Variants in RNGTT observed in about 807,000 individuals in gnomAD.
RNGTT encodes mRNA-capping enzyme.
Under a neutral mutation model 79.3 loss-of-function variants are expected in RNGTT, and 33 were observed. The ratio of observed to expected loss-of-function variants is 0.42; its 90% CI spans 0.32 to 0.56. The LOEUF (loss-of-function observed/expected upper bound fraction) is 0.56, where lower values mean the gene tolerates loss of function less well. Ranked by LOEUF, RNGTT falls within the 20% of genes least tolerant of loss-of-function variation. RNGTT has a pLI of 0.17. For missense variants in RNGTT, 497 were observed against 739.1 expected, an observed-to-expected ratio of 0.67 and a Z score of 3.80; for synonymous variants, 222 against 235.9, an observed-to-expected ratio of 0.94 and a Z score of 0.54.
At chr6:88,680,330 T>C (rs1775044253) in intron 13 of RNGTT, among the ~76,000 whole-genome samples, 1 of 152,186 alleles carries the variant, frequency 6.6e-6, no homozygotes, top group Non-Finnish European at 1.5e-5. Flanking sequence ...AGTTGTGTGA[T>C]TACCCTTCAT....
At chr6:88,887,310 G>A (rs1360173368) in intron 8 of RNGTT, among the ~76,000 whole-genome samples, 2 of 152,236 alleles carry the variant, frequency 1.3e-5, no homozygotes, top group South Asian at 2.1e-4. Context: ...TGGAGTCCAG[G>A]ACTCATAGCT....
At chr6:88,850,309 T>A (rs546314253) in intron 9 of RNGTT, among the ~76,000 whole-genome samples, 1 of 152,050 alleles carries the variant, frequency 6.6e-6, no homozygotes, top group African/African-American at 2.4e-5. Flanking sequence ...CTTGGTTTCA[T>A]ACCACTTTAC....
chr6:88,760,268 AATG>A (rs1778167571), intron 13 of RNGTT, among the ~76,000 whole-genome samples: 1 of 152,184 alleles, frequency 6.6e-6, no homozygotes, highest in Non-Finnish European at 1.5e-5. Context: ...TTTTCTGCTG[AATG>A]CAGGAAGGAT....
intron 13 of RNGTT, among the ~76,000 whole-genome samples, chr6:88,725,878 A>T (rs1178944475): frequency 6.6e-6 from 1 of 152,142 alleles, no homozygotes; most frequent in Non-Finnish European, 1.5e-5. Context: ...GGGAAAGACC[A>T]GCAAAGAGGA....
At chr6:88,653,922 G>C (rs1773885372) in intron 14 of RNGTT, among the ~76,000 whole-genome samples, 1 of 152,202 alleles carries the variant, frequency 6.6e-6, no homozygotes, top group African/African-American at 2.4e-5. Flanking sequence ...TATTGAGATT[G>C]AAACGTGTGT....
chr6:88,727,260 A>G (rs1238709145), intron 13 of RNGTT, among the ~76,000 whole-genome samples: 1 of 152,238 alleles, frequency 6.6e-6, no homozygotes, highest in Non-Finnish European at 1.5e-5. Context: ...AAAGTAAAAT[A>G]CATCTTTGGT....
At chr6:88,900,510 G>T (rs1413070615) in intron 6 of RNGTT, among the ~76,000 whole-genome samples, 6 of 149,354 alleles carry the variant, frequency 4.0e-5, no homozygotes, top group African/African-American at 1.5e-4. Context: ...GAGGCAGGTG[G>T]GTCACCTGAG....
chr6:88,645,014 A>G (rs924553347), intron 14 of RNGTT, among the ~76,000 whole-genome samples: 2 of 152,184 alleles, frequency 1.3e-5, no homozygotes, highest in Admixed American at 6.5e-5. Context: ...GCAATCAGGC[A>G]GGAGAAAGAA....
At chr6:88,691,502 A>G (rs1775481277) in intron 13 of RNGTT, among the ~76,000 whole-genome samples, 1 of 152,232 alleles carries the variant, frequency 6.6e-6, no homozygotes, top group African/African-American at 2.4e-5. Context: ...CACTAATTTT[A>G]CAGATGACTA....
intron 13 of RNGTT, among the ~76,000 whole-genome samples, chr6:88,681,128 ACCT>A (rs1180818743): frequency 1.3e-5 from 2 of 151,902 alleles, no homozygotes; most frequent in Non-Finnish European, 2.9e-5. Context: ...GCTTGATAAA[ACCT>A]CCTTTAGCAG....
intron 14 of RNGTT, among the ~76,000 whole-genome samples, chr6:88,619,543 A>C (rs371010497): frequency 6.6e-6 from 1 of 152,206 alleles, no homozygotes; most frequent in Non-Finnish European, 1.5e-5. Flanking sequence ...GCCACAACTT[A>C]TTTTGGTCAG....
At position 88,909,251 on chromosome 6, in the gene RNGTT, C is replaced by G. The variant is rs148018526; in HGVS notation, c.368-2811G>C. On this transcript the variant is annotated intron_variant, in intron 4 of 15. Transcript: ENST00000369485. ...ACAAGCCTGGCCAGTCTGGTTGCGC[C>G]TGCTCCTGAGACAGACATCAGACAG... 7.6e-3 allele frequency among the ~76,000 whole-genome samples: 1,162 copies of G among 152,316 alleles called. 15 individuals are homozygous for G. The highest frequency in any genetic ancestry group is 0.026 in the African/African-American group (1,084 of 41,560).
intron 1 of RNGTT, among the ~76,000 whole-genome samples, chr6:88,953,017 G>A (rs1240893599): frequency 6.6e-6 from 1 of 152,142 alleles, no homozygotes; most frequent in Non-Finnish European, 1.5e-5. Context: ...CTACTCAAAC[G>A]AGAAGGAACC....
chr6:88,663,041 C>T (rs1419077317), intron 14 of RNGTT, among the ~76,000 whole-genome samples: 1 of 152,190 alleles, frequency 6.6e-6, no homozygotes, highest in African/African-American at 2.4e-5. Context: ...TCGGCTCTGA[C>T]TTGGCTCAAA....
intron 12 of RNGTT, among the ~76,000 whole-genome samples, chr6:88,799,881 T>C (rs985209388): frequency 5.9e-5 from 9 of 152,098 alleles, no homozygotes; most frequent in African/African-American, 2.2e-4. Context: ...TCTGAATTTA[T>C]TGTTATATTT....
intron 5 of RNGTT, among the ~76,000 whole-genome samples, chr6:88,905,983 C>CA (rs1259401157): frequency 1.3e-5 from 2 of 151,830 alleles, no homozygotes; most frequent in South Asian, 2.1e-4. Context: ...CCTCACTAGA[C>CA]AAAAAAGAAA....
At chr6:88,772,374 C>G (rs1467490530) in intron 12 of RNGTT, among the ~76,000 whole-genome samples, 2 of 152,020 alleles carry the variant, frequency 1.3e-5, no homozygotes, top group African/African-American at 4.8e-5. Context: ...AGATTCAGTG[C>G]AATCTCTAAG....
intron 11 of RNGTT, among the ~76,000 whole-genome samples, chr6:88,824,811 G>C (rs1180853731): frequency 6.6e-6 from 1 of 151,036 alleles, no homozygotes; most frequent in Non-Finnish European, 1.5e-5. Context: ...GAATGCAGTG[G>C]TGCGATCTCG....
At chr6:88,754,811 T>C (rs895328232) in intron 13 of RNGTT, among the ~76,000 whole-genome samples, 2 of 152,240 alleles carry the variant, frequency 1.3e-5, no homozygotes, top group African/African-American at 4.8e-5. Flanking sequence ...TGCAGATAAC[T>C]AGCCAGACCC....
Sources: allele counts gnomAD v4.1 joint callset (sites outside exome capture counted in the v4.1 genomes callset), GRCh38; gene constraint gnomAD v4.1.1; transcripts MANE v1.5; gene names NCBI Gene and HGNC (gene_info 2026-07-23, HGNC 2026-07-21).